The following ZNF148 variants were observed in gnomAD, a reference collection of about 807,000 sequenced individuals.
ZNF148 encodes Beta-Enolase Repressor Factor-1.
In ZNF148, 7 loss-of-function variants were observed where a neutral mutation model predicts 67.7. The observed-to-expected ratio is 0.10, with a 90% CI of 0.06 to 0.19. The LOEUF (loss-of-function observed/expected upper bound fraction) is 0.19, where lower values mean the gene tolerates loss of function less well. Ranked by LOEUF, ZNF148 falls within the 10% of genes least tolerant of loss-of-function variation. The probability of loss-of-function intolerance (pLI) is 1.00; values close to 1 mark genes in which losing one functional copy is unlikely to be tolerated. For missense variants in ZNF148, 583 were observed against 947.1 expected, an observed-to-expected ratio of 0.62 and a Z score of 5.05; for synonymous variants, 333 against 330.7, an observed-to-expected ratio of 1.01 and a Z score of -0.08.
intron 1 of ZNF148, among the ~76,000 whole-genome samples, chr3:125,364,360 C>T (rs1304796503): frequency 6.6e-6 from 1 of 152,152 alleles, no homozygotes; most frequent in Non-Finnish European, 1.5e-5. Flanking sequence ...CATCGCACCA[C>T]TCCAGCCTGG....
At chr3:125,360,940 G>C (rs1942516774) in intron 1 of ZNF148, among the ~76,000 whole-genome samples, 1 of 151,762 alleles carries the variant, frequency 6.6e-6, no homozygotes, top group Admixed American at 6.6e-5. Context: ...GCTGAGGCAG[G>C]AGAATTGCTT....
At chr3:125,313,742 C>T in intron 3 of ZNF148, 86 bp from the exon 4 acceptor site, 1 of 1,044,422 alleles carries the variant, frequency 9.6e-7, no homozygotes, top group Non-Finnish European at 1.4e-6. Context: ...AGAATTTGAA[C>T]ATTCAAATAC....
chr3:125,294,598 C>T (rs1939189850), intron 4 of ZNF148, among the ~76,000 whole-genome samples: 1 of 152,174 alleles, frequency 6.6e-6, no homozygotes, highest in Admixed American at 6.5e-5. Flanking sequence ...TCAGCATATA[C>T]TAAGATTTAT....
chr3:125,255,069 G>C (rs1431213876), intron 7 of ZNF148, among the ~76,000 whole-genome samples: 1 of 151,706 alleles, frequency 6.6e-6, no homozygotes, highest in Non-Finnish European at 1.5e-5. Context: ...ACAATACTAG[G>C]ATCTTGGAGC....
intron 1 of ZNF148, among the ~76,000 whole-genome samples, chr3:125,334,941 T>C (rs969772754): frequency 2.0e-5 from 3 of 152,196 alleles, no homozygotes; most frequent in African/African-American, 4.8e-5. Flanking sequence ...GCTGTTCCTC[T>C]GTCTGGAACA....
At chr3:125,264,318 G>A (rs1484881915) in intron 7 of ZNF148, among the ~76,000 whole-genome samples, 2 of 152,242 alleles carry the variant, frequency 1.3e-5, no homozygotes, top group African/African-American at 2.4e-5. Context: ...TTGTGGGACT[G>A]AGCCCTTAAC....
intron 7 of ZNF148, among the ~76,000 whole-genome samples, chr3:125,263,179 C>T (rs895244091): frequency 5.3e-5 from 8 of 152,198 alleles, no homozygotes; most frequent in Admixed American, 3.9e-4. Context: ...AGTTGTTGCA[C>T]AGAGATGAAT....
chr3:125,246,062 A>AT (rs144663181), intron 7 of ZNF148, among the ~76,000 whole-genome samples: 2,968 of 152,166 alleles, frequency 0.02, 91 homozygotes, highest in African/African-American at 0.066. Flanking sequence ...TTTTCTGCTG[A>AT]TTTTTTTCTA....
At chr3:125,313,185 T>C in intron 4 of ZNF148, 123 bp downstream of exon 4, 1 of 640,970 alleles carries the variant, frequency 1.6e-6, no homozygotes, top group South Asian at 3.2e-5. Context: ...AATATTTTAG[T>C]ATATCTATTC....
rs535644760 is a variant in ZNF148, at chr3:125,248,772, C to G, written c.668-14443G>C. Reference sequence around the variant, plus strand: ...TTAACACTACTTTTATGCAAAGAAACGAGAGAATCAGACTCAGAATTAGTG... The same window carrying G: ...TTAACACTACTTTTATGCAAAGAAAGGAGAGAATCAGACTCAGAATTAGTG... On this transcript the variant is annotated intron_variant, in intron 7 of 8. Coordinates refer to ENST00000360647, the MANE Select transcript of ZNF148 (RefSeq NM_021964.3). 5.3e-5 allele frequency among the ~76,000 whole-genome samples: 8 copies of G among 152,226 alleles called. No homozygotes were observed. In the South Asian group the frequency reaches 6.2e-4, roughly 12 times the overall value.
At chr3:125,350,833 C>T (rs1942121260) in intron 1 of ZNF148, among the ~76,000 whole-genome samples, 2 of 152,180 alleles carry the variant, frequency 1.3e-5, no homozygotes, top group Admixed American at 1.3e-4. Flanking sequence ...TATATATACA[C>T]ACACACAATG....
At chr3:125,362,843 C>T (rs1033430514) in intron 1 of ZNF148, among the ~76,000 whole-genome samples, 1 of 152,188 alleles carries the variant, frequency 6.6e-6, no homozygotes, top group African/African-American at 2.4e-5. Flanking sequence ...GTATGAGCTA[C>T]CATGCTTGGC....
At chr3:125,346,132 T>C (rs896144526) in intron 1 of ZNF148, among the ~76,000 whole-genome samples, 1 of 152,230 alleles carries the variant, frequency 6.6e-6, no homozygotes, top group African/African-American at 2.4e-5. Context: ...TGCATGACCA[T>C]GTAGGATTTA....
intron 4 of ZNF148, among the ~76,000 whole-genome samples, chr3:125,306,892 A>G (rs1939907522): frequency 6.6e-6 from 1 of 152,088 alleles, no homozygotes; most frequent in Non-Finnish European, 1.5e-5. Context: ...AACCCTTCCC[A>G]CAAAGAAAAC....
chr3:125,368,350 A>T (rs1243528296), intron 1 of ZNF148, among the ~76,000 whole-genome samples: 2 of 152,174 alleles, frequency 1.3e-5, no homozygotes, highest in African/African-American at 4.8e-5. Context: ...CATCCATCCA[A>T]CCATCTGATG....
At chr3:125,324,986 GT>G (rs1940957273) in intron 2 of ZNF148, among the ~76,000 whole-genome samples, 1 of 151,958 alleles carries the variant, frequency 6.6e-6, no homozygotes, top group African/African-American at 2.4e-5. Flanking sequence ...ATAAACTATA[GT>G]GAAATGACAA....
chr3:125,352,367 T>C (rs1191740313), intron 1 of ZNF148, among the ~76,000 whole-genome samples: 2 of 152,182 alleles, frequency 1.3e-5, no homozygotes, highest in Non-Finnish European at 2.9e-5. Context: ...AGTAGACTAG[T>C]AGTTGCCAGG....
At position 125,232,582 on chromosome 3, in the gene ZNF148, G is replaced by C. The variant is rs993450043; in HGVS notation, c.2144C>G (p.Ala715Gly). The C allele has an allele frequency of 2.1e-5, 34 of 1,613,782 alleles. No individual in the cohort carries two copies. The highest frequency in any genetic ancestry group is 2.9e-5 in the Non-Finnish European group (34 of 1,179,762). Residue 715 changes from alanine (A) to glycine (G), a missense_variant, in exon 9 of 9, where the codon GCT becomes GGT. Physicochemically the swap from Ala to Gly is moderately conservative, Grantham distance 60 (BLOSUM62 0). Around this residue, in one of 5 missense-constraint regions of ZNF148, gnomAD observed 158 missense variants for 208.4 expected, o/e 0.76. Coordinates refer to ENST00000360647, the MANE Select transcript of ZNF148 (RefSeq NM_021964.3). The surrounding 1 kb of genome is among the most constrained non-coding windows in gnomAD (Gnocchi z 4.2). ...FLDQVTSQKK[A>G]EAQPVHQAYQ... ...AGCTTGGTGGACAGGCTGGGCCTCA[G>C]CTTTCTTCTGAGAAGTCACTTGATC...
At position 125,307,811 on chromosome 3, in the gene ZNF148, ATTT is replaced by A. The variant is rs34469920; in HGVS notation, c.333+5494_333+5496del. Among the ~76,000 whole-genome samples the A allele has an allele frequency of 7.2e-3, 916 of 127,262 alleles. 4 individuals are homozygous for A. Among genetic ancestry groups the A allele is most frequent in the African/African-American group, 0.018 (588 of 33,240 alleles). 83.5% of individuals were successfully genotyped at this position (127,262 alleles called of 152,430 possible). ...AGGTGCACACCACCATGCCCAGATA[ATTT>A]TTTTTTTTTTTTTTTTTGGCAGAGA... is the stretch of plus-strand genomic sequence containing the variant. On this transcript the variant is annotated intron_variant, in intron 4 of 8. Coordinates refer to ENST00000360647, the MANE Select transcript of ZNF148 (RefSeq NM_021964.3).
Sources: gnomAD v4.1 joint callset for allele counts (sites outside exome capture counted in the v4.1 genomes callset) on GRCh38, gnomAD v4.1.1 for gene constraint, gnomAD v4.1.1 regional missense constraint, Gnocchi (gnomAD v3.1) non-coding constraint, MANE v1.5 for transcripts, NCBI Gene and HGNC (gene_info 2026-07-23, HGNC 2026-07-21) for gene names.